Variants in PLA2G10 observed in about 807,000 individuals in gnomAD.
PLA2G10 encodes the protein phospholipase A2 group X.
A neutral mutation model predicts 7.9 loss-of-function variants in PLA2G10; 9 were observed. That is an observed-to-expected ratio of 1.14 (90% CI 0.68 to 1.98). PLA2G10 has a LOEUF of 1.98. Ranked by LOEUF, PLA2G10 falls within the 30% of genes most tolerant of loss-of-function variation. The pLI, the probability that PLA2G10 is intolerant of heterozygous loss-of-function variation, is 0.00. For synonymous variants in PLA2G10, 19 were observed against 27.5 expected (o/e 0.69, Z 0.97); for missense variants, 53 against 65.4 (o/e 0.81, Z 0.66).
intron 3 of PLA2G10, among the ~76,000 whole-genome samples, chr16:14,685,682 C>G (rs756392101): frequency 6.6e-6 from 1 of 151,986 alleles, no homozygotes; most frequent in Non-Finnish European, 1.5e-5. Context: ...TGTGTTATGT[C>G]TATTTTCTTT....
chr16:14,686,064 C>A (rs1404754634), intron 3 of PLA2G10, among the ~76,000 whole-genome samples: 2 of 144,614 alleles, frequency 1.4e-5, no homozygotes, highest in African/African-American at 5.1e-5. Context: ...GCAATCTTGG[C>A]TCACTACAGC....
intron 3 of PLA2G10, among the ~76,000 whole-genome samples, chr16:14,682,945 T>C (rs1333043147): frequency 6.6e-6 from 1 of 152,094 alleles, no homozygotes; most frequent in Non-Finnish European, 1.5e-5. Flanking sequence ...GGCAGGGGCC[T>C]GTAATCCCAG....
chr16:14,676,540 G>A (rs1447378460), intron 3 of PLA2G10, among the ~76,000 whole-genome samples: 4 of 152,152 alleles, frequency 2.6e-5, no homozygotes, highest in Non-Finnish European at 4.4e-5. Flanking sequence ...TTAGCCAGGC[G>A]TGGTGGCGCA....
At chr16:14,684,919 G>A (rs1326369424) in intron 3 of PLA2G10, among the ~76,000 whole-genome samples, 1 of 152,162 alleles carries the variant, frequency 6.6e-6, no homozygotes, top group African/African-American at 2.4e-5. Context: ...ATAAGTATTT[G>A]TTCATGAATG....
Position 14,693,309 on chromosome 16 carries a change from C to G in PLA2G10, c.97+824G>C, listed in dbSNP as rs868153306. ...CGCACATATGTGTGTCTGTGCTGCT[C>G]TGTGTGTGTGTGTGTGTGTGTGTGT... On this transcript the variant is annotated intron_variant, in intron 1 of 3. Coordinates refer to ENST00000438167, the MANE Select transcript of PLA2G10 (RefSeq NM_003561.3). Among the ~76,000 whole-genome samples, 9 of 24,260 alleles carry G rather than the reference C, an allele frequency of 3.7e-4. 2 individuals carry two copies. Among genetic ancestry groups the G allele is most frequent in the East Asian group, 1.1e-3 (1 of 884 alleles). 15.9% of individuals were successfully genotyped at this position (24,260 alleles called of 152,430 possible). A position where few individuals can be genotyped will look rare whatever the true frequency, so the allele number is the denominator to read the frequency against.
intron 3 of PLA2G10, among the ~76,000 whole-genome samples, chr16:14,673,366 A>G (rs1249051510): frequency 2.0e-5 from 3 of 150,378 alleles, no homozygotes; most frequent in Non-Finnish European, 4.4e-5. Context: ...ATTTAAAAAT[A>G]ATAATAGTAA....
chr16:14,677,841 TGATGGATGGATAGATG>T (rs1164200296), intron 3 of PLA2G10, among the ~76,000 whole-genome samples: 2 of 132,474 alleles, frequency 1.5e-5, no homozygotes, highest in East Asian at 2.1e-4. Context: ...GATGGATGGG[TGATGGATGGATAGATG>T]GATGGATGGA....
intron 3 of PLA2G10, among the ~76,000 whole-genome samples, chr16:14,678,024 A>G (rs535604146): frequency 6.6e-6 from 1 of 152,212 alleles, no homozygotes; most frequent in South Asian, 2.1e-4. Flanking sequence ...TTAGTCATAG[A>G]ACCAGCCAGT....
intron 3 of PLA2G10, among the ~76,000 whole-genome samples, chr16:14,686,964 C>T (rs1961090217): frequency 1.3e-5 from 2 of 151,832 alleles, no homozygotes; most frequent in African/African-American, 4.8e-5. Context: ...AAATATTAGC[C>T]AGGTGTAGTG....
At chr16:14,672,825 G>A (rs1196575061) in intron 3 of PLA2G10, 76 bp from the exon 4 acceptor site, 31 of 1,393,340 alleles carry the variant, frequency 2.2e-5, no homozygotes, top group Admixed American at 3.8e-5. Flanking sequence ...GCAAGAGGCA[G>A]GACGGGTCAT....
At chr16:14,679,087 C>T (rs1187665005) in intron 3 of PLA2G10, among the ~76,000 whole-genome samples, 1 of 152,166 alleles carries the variant, frequency 6.6e-6, no homozygotes, top group Non-Finnish European at 1.5e-5. Flanking sequence ...TCACCCCAAC[C>T]ACTCTCAGTA....
chr16:14,677,724 T>TGGAA (rs1960761491), intron 3 of PLA2G10, among the ~76,000 whole-genome samples: 1 of 151,928 alleles, frequency 6.6e-6, no homozygotes, highest in Non-Finnish European at 1.5e-5. Context: ...CATGGATGGA[T>TGGAA]GGATGGATGG....
intron 3 of PLA2G10, among the ~76,000 whole-genome samples, chr16:14,681,339 C>T (rs992807993): frequency 9.9e-5 from 15 of 152,070 alleles, no homozygotes; most frequent in Non-Finnish European, 1.8e-4. Flanking sequence ...TACAGGAATT[C>T]GGTAACTCAT....
At chr16:14,687,220 C>G (rs1961105186) in intron 3 of PLA2G10, among the ~76,000 whole-genome samples, 1 of 151,600 alleles carries the variant, frequency 6.6e-6, no homozygotes, top group African/African-American at 2.4e-5. Context: ...TACTACAGTC[C>G]TTATGTTATT....
intron 3 of PLA2G10, among the ~76,000 whole-genome samples, chr16:14,676,381 A>C (rs1295595540): frequency 6.6e-6 from 1 of 152,220 alleles, no homozygotes; most frequent in Admixed American, 6.5e-5. Context: ...ACCAATGAGC[A>C]GATAAAGAAA....
intron 3 of PLA2G10, among the ~76,000 whole-genome samples, chr16:14,683,046 G>A (rs1454618970): frequency 1.3e-5 from 2 of 151,752 alleles, no homozygotes; most frequent in African/African-American, 2.4e-5. Flanking sequence ...TTCAGCCTGG[G>A]CGACAGAGCA....
At chr16:14,681,519 T>C (rs1328970814) in intron 3 of PLA2G10, among the ~76,000 whole-genome samples, 1 of 151,988 alleles carries the variant, frequency 6.6e-6, no homozygotes, top group Non-Finnish European at 1.5e-5. Context: ...TGGCATCACA[T>C]TTTGAAGAAG....
chr16:14,687,582 T>G (rs928527808), intron 3 of PLA2G10, among the ~76,000 whole-genome samples: 8 of 152,118 alleles, frequency 5.3e-5, no homozygotes, highest in African/African-American at 1.9e-4. Context: ...CCAGCCTCTT[T>G]CTGATAAACA....
rs141022443 is a variant in PLA2G10, at chr16:14,687,599, C to A, written c.355+566G>T. 5.9e-5 allele frequency among the ~76,000 whole-genome samples: 9 copies of A among 152,200 alleles called. No individual in the cohort carries two copies. The East Asian group carries it at 1.7e-3, about 29-fold the overall frequency. The stretch of plus-strand genomic sequence containing the variant: ...AGCCTCTTTCTGATAAACATTTACA[C>A]TGTTTATTATCTGATGCCATTTCTA... On this transcript the variant is annotated intron_variant, in intron 3 of 3. Transcript: ENST00000438167.
Sources: gnomAD v4.1 joint callset for allele counts (sites outside exome capture counted in the v4.1 genomes callset) on GRCh38, gnomAD v4.1.1 for gene constraint, MANE v1.5 for transcripts, NCBI Gene and HGNC (gene_info 2026-07-23, HGNC 2026-07-21) for gene names.